The following DCP1A variants were observed in gnomAD, a reference collection of about 807,000 sequenced individuals.
DCP1A encodes decapping mRNA 1A.
DCP1A carries 20 observed loss-of-function variants against 58.0 expected under a neutral mutation model. The ratio of observed to expected loss-of-function variants is 0.34; its 90% CI spans 0.24 to 0.50. DCP1A has a LOEUF of 0.50. DCP1A is among the 20% of genes least tolerant of loss of function. DCP1A has a pLI of 0.98. For missense variants in DCP1A, 613 were observed against 712.2 expected (o/e 0.86, Z 1.59); for synonymous variants, 285 against 275.1 (o/e 1.04, Z -0.36).
At chr3:53,304,689 C>T (rs1369350960) in intron 5 of DCP1A, among the ~76,000 whole-genome samples, 1 of 152,130 alleles carries the variant, frequency 6.6e-6, no homozygotes, top group Non-Finnish European at 1.5e-5. Flanking sequence ...TCTCCTGCCT[C>T]AGCCTCCCGA....
At chr3:53,318,537 A>G (rs949560138) in intron 4 of DCP1A, among the ~76,000 whole-genome samples, 4 of 152,106 alleles carry the variant, frequency 2.6e-5, no homozygotes, top group African/African-American at 9.7e-5. Context: ...TACCTATTAT[A>G]GCATTTTGCC....
intron 8 of DCP1A, among the ~76,000 whole-genome samples, chr3:53,288,803 G>A (rs782403055): frequency 6.6e-6 from 1 of 152,226 alleles, no homozygotes; most frequent in Admixed American, 6.5e-5. Flanking sequence ...CTGGGAGGCC[G>A]AGGTGGGGTT....
At chr3:53,290,018 T>C (rs551420055) in intron 8 of DCP1A, among the ~76,000 whole-genome samples, 4 of 152,128 alleles carry the variant, frequency 2.6e-5, no homozygotes, top group African/African-American at 9.6e-5. Flanking sequence ...CCAAGACCAG[T>C]CAGGTGCTGG....
intron 6 of DCP1A, among the ~76,000 whole-genome samples, chr3:53,296,682 C>A (rs1380991412): frequency 6.6e-6 from 1 of 152,228 alleles, no homozygotes; most frequent in Admixed American, 6.5e-5. Context: ...TAAGGTTCAT[C>A]CGTGTTCCAA....
At chr3:53,322,561 C>T (rs1707999328) in intron 3 of DCP1A, among the ~76,000 whole-genome samples, 1 of 151,776 alleles carries the variant, frequency 6.6e-6, no homozygotes, top group African/African-American at 2.4e-5. Context: ...ATTATTGATA[C>T]ACACAGCAAG....
At chr3:53,338,748 C>T (rs2089157058) in intron 3 of DCP1A, among the ~76,000 whole-genome samples, 1 of 151,164 alleles carries the variant, frequency 6.6e-6, no homozygotes, top group African/African-American at 2.4e-5. Context: ...GTAGTCCCAG[C>T]TACTCGGGAG....
chr3:53,327,149 G>T (rs1274121826), intron 3 of DCP1A, among the ~76,000 whole-genome samples: 3 of 152,108 alleles, frequency 2.0e-5, no homozygotes, highest in Non-Finnish European at 4.4e-5. Flanking sequence ...TGGGAAATAG[G>T]TCAGATGGGG....
At chr3:53,329,507 A>G in intron 3 of DCP1A, 1 of 396,516 alleles carries the variant, frequency 2.5e-6, no homozygotes. Context: ...CTTAAGAGGT[A>G]ATTGTCTTTT....
chr3:53,339,075 A>C (rs2089162566), intron 3 of DCP1A, among the ~76,000 whole-genome samples: 1 of 152,184 alleles, frequency 6.6e-6, no homozygotes, highest in African/African-American at 2.4e-5. Context: ...AGAATCAGGT[A>C]TAATTACCTG....
At chr3:53,316,651 C>T (rs1267723788) in intron 4 of DCP1A, among the ~76,000 whole-genome samples, 1 of 145,384 alleles carries the variant, frequency 6.9e-6, no homozygotes, top group East Asian at 2.0e-4. Flanking sequence ...CTATATCAGG[C>T]CAGGATGGTC....
At chr3:53,331,381 C>T (rs2106875910) in intron 3 of DCP1A, among the ~76,000 whole-genome samples, 1 of 152,330 alleles carries the variant, frequency 6.6e-6, no homozygotes, top group Non-Finnish European at 1.5e-5. Flanking sequence ...GCATACCTAA[C>T]AGTGGTCTCT....
At chr3:53,326,048 TG>T (rs1708095520) in intron 3 of DCP1A, among the ~76,000 whole-genome samples, 1 of 152,154 alleles carries the variant, frequency 6.6e-6, no homozygotes, top group Non-Finnish European at 1.5e-5. Flanking sequence ...TATTGAATAT[TG>T]AACAATGATT....
chr3:53,308,431 A>C (rs1553688319), intron 5 of DCP1A, among the ~76,000 whole-genome samples: 1 of 152,062 alleles, frequency 6.6e-6, no homozygotes, highest in African/African-American at 2.4e-5. Context: ...AGCCAGGACC[A>C]CAGGTGCACA....
At chr3:53,310,643 T>C (rs193024256) in intron 5 of DCP1A, among the ~76,000 whole-genome samples, 146 of 152,376 alleles carry the variant, frequency 9.6e-4, no homozygotes, top group Middle Eastern at 3.4e-3. Context: ...CAGAAAGCCA[T>C]TCTTGAAGTT....
chr3:53,344,901 C>G lies in DCP1A; in HGVS notation c.176+1G>C. On this transcript the variant is annotated splice_donor_variant, in intron 2 of 9. Transcript: ENST00000610213. LOFTEE classifies it high-confidence loss of function. ...CAAATATACATATTTTAAAAACTTA[C>G]CTTCGATATACGAATAAGGTCCCTT... 6.3e-7 allele frequency: 1 copy of G among 1,594,932 alleles called. No homozygotes were observed. Among genetic ancestry groups the G allele is most frequent in the Non-Finnish European group, 8.6e-7 (1 of 1,166,222 alleles).
Position 53,283,540 on chromosome 3 carries a change from A to AACAT in DCP1A, c.*4036_*4039dup, listed in dbSNP as rs1200743712. On this transcript the variant is annotated 3_prime_UTR_variant, in exon 10 of 10. Coordinates refer to ENST00000610213, the MANE Select transcript of DCP1A (RefSeq NM_018403.7). ...AACATGTAATAACTTAATATTTGCAAACATACACAGATGCTATAAAATCCA... is the reference window on the plus strand; with the variant it reads ...AACATGTAATAACTTAATATTTGCAAACATACATACACAGATGCTATAAAATCCA... 2.0e-5 allele frequency: 3 copies of AACAT among 152,248 alleles called. No homozygotes were observed. The highest frequency in any genetic ancestry group is 7.2e-5 in the African/African-American group (3 of 41,470). The allele number at this position is 152,248 out of a possible 1,614,324, so 9.4% of individuals were successfully genotyped here.
At chr3:53,346,596 G>T (rs1025765331) in intron 1 of DCP1A, among the ~76,000 whole-genome samples, 3 of 152,136 alleles carry the variant, frequency 2.0e-5, no homozygotes, top group African/African-American at 7.2e-5. Context: ...AACTAACAAA[G>T]CTTCAAGCAG....
intron 1 of DCP1A, among the ~76,000 whole-genome samples, chr3:53,345,381 A>C (rs1432860689): frequency 6.6e-6 from 1 of 152,186 alleles, no homozygotes; most frequent in Non-Finnish European, 1.5e-5. Flanking sequence ...ACTTTGTTTC[A>C]TCACTAGGGA....
intron 3 of DCP1A, among the ~76,000 whole-genome samples, chr3:53,329,706 T>C (rs1553691093): frequency 6.6e-6 from 1 of 152,228 alleles, no homozygotes; most frequent in East Asian, 1.9e-4. Context: ...CTGTGTTCTT[T>C]TGAAAAACTC....
Sources: allele counts gnomAD v4.1 joint callset (sites outside exome capture counted in the v4.1 genomes callset), GRCh38; gene constraint gnomAD v4.1.1; transcripts MANE v1.5; gene names NCBI Gene and HGNC (gene_info 2026-07-23, HGNC 2026-07-21).